Variants in NCAM1 observed in about 807,000 individuals in gnomAD.
NCAM1 encodes the protein neural cell adhesion molecule 1.
In NCAM1, 14 loss-of-function variants were observed where a neutral mutation model predicts 109.8. The observed-to-expected ratio is 0.13, with a 90% CI of 0.08 to 0.20. NCAM1 has a LOEUF of 0.20. NCAM1 is among the 10% of genes least tolerant of loss of function. The pLI is 1.00. For missense variants in NCAM1, 774 were observed against 1,109.9 expected (o/e 0.70, Z 4.30); for synonymous variants, 418 against 442.9 (o/e 0.94, Z 0.70).
At chr11:113,011,789 A>C (rs986237760) in intron 1 of NCAM1, among the ~76,000 whole-genome samples, 110 of 152,282 alleles carry the variant, frequency 7.2e-4, no homozygotes, top group Admixed American at 1.9e-3. Context: ...GCTCATCAAC[A>C]CTGTCAATGT....
chr11:113,093,178 GATC>G (rs1383590909), intron 1 of NCAM1, among the ~76,000 whole-genome samples: 1 of 152,138 alleles, frequency 6.6e-6, no homozygotes, highest in Non-Finnish European at 1.5e-5. Context: ...TCATAACATG[GATC>G]ATCATCTTTG....
chr11:113,193,841 T>C (rs564670528), intron 1 of NCAM1, among the ~76,000 whole-genome samples: 3 of 152,306 alleles, frequency 2.0e-5, no homozygotes, highest in East Asian at 3.9e-4. Flanking sequence ...TCTTGCCCTA[T>C]AACCAGAAGC....
At chr11:113,009,333 T>G (rs1555073946) in intron 1 of NCAM1, among the ~76,000 whole-genome samples, 1 of 139,658 alleles carries the variant, frequency 7.2e-6, no homozygotes, top group South Asian at 2.5e-4. Context: ...TTTTTTTTTT[T>G]TTTTTTTTAT....
At chr11:113,250,878 A>G (rs535953770) in intron 15 of NCAM1, among the ~76,000 whole-genome samples, 138 of 152,204 alleles carry the variant, frequency 9.1e-4, no homozygotes, top group Non-Finnish European at 1.4e-3. Flanking sequence ...GCTCACTGCA[A>G]CCTCCACCTC....
intron 1 of NCAM1, among the ~76,000 whole-genome samples, chr11:112,998,543 T>C (rs10891489): frequency 0.12 from 18,477 of 152,090 alleles, 1,226 homozygotes; most frequent in East Asian, 0.32. Flanking sequence ...TCTCTAATTC[T>C]CCAAATAATT....
chr11:113,083,641 T>C (rs1180573581), intron 1 of NCAM1, among the ~76,000 whole-genome samples: 3 of 152,238 alleles, frequency 2.0e-5, no homozygotes, highest in African/African-American at 7.2e-5. Context: ...TTTTGCCTAG[T>C]CCTGTGTTTC....
At chr11:113,201,711 C>T (rs1178709293) in intron 1 of NCAM1, among the ~76,000 whole-genome samples, 3 of 152,168 alleles carry the variant, frequency 2.0e-5, no homozygotes, top group Non-Finnish European at 4.4e-5. Flanking sequence ...TTCCACAGGG[C>T]ACGGGCTACA....
intron 1 of NCAM1, among the ~76,000 whole-genome samples, chr11:113,050,823 T>C (rs1953459685): frequency 6.6e-6 from 1 of 152,252 alleles, no homozygotes; most frequent in Non-Finnish European, 1.5e-5. Flanking sequence ...TATATCATTA[T>C]CTAGAATACA....
At chr11:113,244,674 TG>T (rs1945446152) in intron 14 of NCAM1, among the ~76,000 whole-genome samples, 1 of 150,146 alleles carries the variant, frequency 6.7e-6, no homozygotes, top group Non-Finnish European at 1.5e-5. Context: ...TGTGTGTGTG[TG>T]TGTGTGTGTG....
chr11:113,149,366 A>T (rs1942140278), intron 1 of NCAM1, among the ~76,000 whole-genome samples: 1 of 152,224 alleles, frequency 6.6e-6, no homozygotes, highest in African/African-American at 2.4e-5. Flanking sequence ...ATTAAGGAAG[A>T]GATTGGATTC....
At chr11:113,165,757 CTCTCTCCTGGCT>C (rs1442130090) in intron 1 of NCAM1, among the ~76,000 whole-genome samples, 1 of 151,788 alleles carries the variant, frequency 6.6e-6, no homozygotes, top group Non-Finnish European at 1.5e-5. Flanking sequence ...CCACCACTGG[CTCTCTCCTGGCT>C]TCTCGCCTGG....
chr11:113,198,327 T>TTA (rs1196365437), intron 1 of NCAM1, among the ~76,000 whole-genome samples: 3 of 152,120 alleles, frequency 2.0e-5, no homozygotes, highest in Non-Finnish European at 4.4e-5. Context: ...AAGAGGCCAG[T>TTA]TATAGTTAAC....
At chr11:113,085,369 G>A (rs781939313) in intron 1 of NCAM1, among the ~76,000 whole-genome samples, 5 of 152,192 alleles carry the variant, frequency 3.3e-5, no homozygotes, top group Non-Finnish European at 7.3e-5. Context: ...GTTGGCCACT[G>A]TGCCTTCCTT....
At chr11:113,149,122 G>A (rs1210031756) in intron 1 of NCAM1, among the ~76,000 whole-genome samples, 7 of 152,192 alleles carry the variant, frequency 4.6e-5, no homozygotes, top group East Asian at 1.9e-4. Flanking sequence ...CCTGAAAGTC[G>A]TTTGAAGTTG....
At chr11:113,141,966 C>A (rs1941845970) in intron 1 of NCAM1, among the ~76,000 whole-genome samples, 1 of 152,098 alleles carries the variant, frequency 6.6e-6, no homozygotes. Flanking sequence ...TTTATCAACC[C>A]TCTTGAGGTA....
chr11:112,988,751 A>ATTTTTTT (rs140491695), intron 1 of NCAM1, among the ~76,000 whole-genome samples: 1 of 137,900 alleles, frequency 7.3e-6, no homozygotes. Flanking sequence ...TTTCAACAGT[A>ATTTTTTT]TTTTTTTTTT....
At chr11:113,015,751 CAAAAAA>C (rs369330839) in intron 1 of NCAM1, among the ~76,000 whole-genome samples, 1 of 151,026 alleles carries the variant, frequency 6.6e-6, no homozygotes, top group Admixed American at 6.6e-5. Flanking sequence ...AAAACAAAAA[CAAAAAA>C]AAGAAAAAAA....
chr11:113,129,494 G>A (rs1555097916), intron 1 of NCAM1, among the ~76,000 whole-genome samples: 1 of 152,082 alleles, frequency 6.6e-6, no homozygotes, highest in South Asian at 2.1e-4. Flanking sequence ...TAAGACATAT[G>A]AGCATCCATC....
At chr11:113,128,954 C>A (rs537655274) in intron 1 of NCAM1, among the ~76,000 whole-genome samples, 1 of 149,034 alleles carries the variant, frequency 6.7e-6, no homozygotes, top group Non-Finnish European at 1.5e-5. Context: ...TGTGTGCATG[C>A]GTGCAGGCAC....
Sources: allele counts gnomAD v4.1 joint callset (sites outside exome capture counted in the v4.1 genomes callset), GRCh38; gene constraint gnomAD v4.1.1; transcripts MANE v1.5; gene names NCBI Gene and HGNC (gene_info 2026-07-23, HGNC 2026-07-21).